The following MLLT3 variants were observed in gnomAD, a reference collection of about 807,000 sequenced individuals.
MLLT3 encodes the protein protein AF-9.
A neutral mutation model predicts 53.2 loss-of-function variants in MLLT3; 4 were observed. The observed-to-expected ratio is 0.08, with a 90% CI of 0.04 to 0.17. MLLT3 has a LOEUF of 0.17. MLLT3 is among the 10% of genes least tolerant of loss of function. The pLI is 1.00. For missense variants in MLLT3, 569 were observed against 684.0 expected, an observed-to-expected ratio of 0.83 and a Z score of 1.87; for synonymous variants, 283 against 230.6, an observed-to-expected ratio of 1.23 and a Z score of -2.06.
intron 2 of MLLT3, among the ~76,000 whole-genome samples, chr9:20,583,047 C>A (rs1819841999): frequency 6.6e-6 from 1 of 152,154 alleles, no homozygotes; most frequent in African/African-American, 2.4e-5. Context: ...TCCCTTCTAC[C>A]TATAAGCCTG....
chr9:20,462,679 A>G (rs1247357468), intron 2 of MLLT3, among the ~76,000 whole-genome samples: 3 of 152,074 alleles, frequency 2.0e-5, no homozygotes, highest in East Asian at 1.9e-4. Context: ...ATATTAGCTA[A>G]TCCTAATACA....
intron 2 of MLLT3, among the ~76,000 whole-genome samples, chr9:20,581,217 T>C (rs1011924680): frequency 1.3e-5 from 2 of 152,200 alleles, no homozygotes; most frequent in African/African-American, 2.4e-5. Context: ...AGTTCTTTGA[T>C]ACACAGGTGA....
chr9:20,402,702 G>C (rs139466530), intron 5 of MLLT3, among the ~76,000 whole-genome samples: 28 of 152,096 alleles, frequency 1.8e-4, no homozygotes, highest in Non-Finnish European at 3.5e-4. Context: ...GATTATTCTG[G>C]TTGGCAATAT....
rs1198877632 is a variant in MLLT3, at chr9:20,620,938, A to G, written c.13-104T>C. On this transcript the variant is annotated intron_variant, in intron 1 of 10. Coordinates refer to ENST00000380338, the MANE Select transcript of MLLT3 (RefSeq NM_004529.4). The surrounding 1 kb of genome is among the most constrained non-coding windows in gnomAD (Gnocchi z 6.1). ...TTTTCCTCCTTCTTGAAACGCACATAAAAGGAAACGGCGGTGCCCTCTGCA... is the reference window on the plus strand; with the variant it reads ...TTTTCCTCCTTCTTGAAACGCACATGAAAGGAAACGGCGGTGCCCTCTGCA... 1.5e-6 allele frequency: 2 copies of G among 1,299,698 alleles called. No individual in the cohort carries two copies. The highest frequency in any genetic ancestry group is 1.5e-5 in the African/African-American group (1 of 68,834). The allele number at this position is 1,299,698 out of a possible 1,614,324, so 80.5% of individuals were successfully genotyped here. A position where few individuals can be genotyped will look rare whatever the true frequency, so the allele number is the denominator to read the frequency against.
Position 20,620,772 on chromosome 9 carries a change from C to A in MLLT3, c.75G>T (p.Val25=). 1 of 1,614,166 alleles carries A rather than the reference C, an allele frequency of 6.2e-7. No individual in the cohort carries two copies. The highest frequency in any genetic ancestry group is 1.3e-5 in the African/African-American group (1 of 75,054). ...CCATCCAGTCGTGGGTGAAGCCCTC[C>A]ACGGTGGGTTTTTTCCTCACCTGGG... is the stretch of plus-strand genomic sequence containing the variant. ...HRAQVRKKPT[V]EGFTHDWMVF... The change falls in exon 2 of 11, where the codon GTG becomes GTT. Residue 25 remains valine (V), a synonymous_variant. Transcript: ENST00000380338. The surrounding 1 kb of genome is among the most constrained non-coding windows in gnomAD (Gnocchi z 6.1).
chr9:20,568,279 T>C (rs1244567657), intron 2 of MLLT3, among the ~76,000 whole-genome samples: 1 of 152,158 alleles, frequency 6.6e-6, no homozygotes, highest in Non-Finnish European at 1.5e-5. Flanking sequence ...TTATTGAGGC[T>C]GAGTACTGAA....
chr9:20,414,521 TCAAGCTATCATTA>T, intron 4 of MLLT3, 96 bp from the exon 5 acceptor site: 2 of 1,544,580 alleles, frequency 1.3e-6, no homozygotes, highest in South Asian at 2.4e-5. Flanking sequence ...TTGATTCCTC[TCAAGCTATCATTA>T]AAATACCAAA....
intron 2 of MLLT3, among the ~76,000 whole-genome samples, chr9:20,580,553 T>A (rs1258693071): frequency 6.6e-6 from 1 of 152,170 alleles, no homozygotes; most frequent in African/African-American, 2.4e-5. Context: ...TGAGCAGTTT[T>A]ATCTGGAACC....
chr9:20,602,699 T>C lies in MLLT3; in HGVS notation c.193+17955A>G, dbSNP rs560336552. On this transcript the variant is annotated intron_variant, in intron 2 of 10. Transcript: ENST00000380338. ...TTTGGCATCTTGGAGGAGTGGCAAA[T>C]GTAACATGATTATCAAATCTCCTAC... Among the ~76,000 whole-genome samples the C allele has an allele frequency of 2.0e-5, 3 of 151,892 alleles. No individual in the cohort carries two copies. The South Asian group carries it at 6.2e-4, about 31-fold the overall frequency.
chr9:20,605,175 A>G (rs1416543354), intron 2 of MLLT3, among the ~76,000 whole-genome samples: 2 of 152,094 alleles, frequency 1.3e-5, no homozygotes, highest in African/African-American at 4.8e-5. Flanking sequence ...AATGATTTTT[A>G]TAAAAGAAAC....
chr9:20,601,786 T>C (rs1464328322), intron 2 of MLLT3, among the ~76,000 whole-genome samples: 1 of 152,176 alleles, frequency 6.6e-6, no homozygotes, highest in Non-Finnish European at 1.5e-5. Context: ...AAAATATCCC[T>C]TTAACTTTTT....
intron 2 of MLLT3, among the ~76,000 whole-genome samples, chr9:20,481,271 A>G (rs1824655013): frequency 6.6e-6 from 1 of 152,180 alleles, no homozygotes; most frequent in African/African-American, 2.4e-5. Flanking sequence ...AGAGTTATTT[A>G]ATCTCCCATT....
In MLLT3 at chr9:20,513,576, G is replaced by C. The variant is rs181184760; in HGVS notation, c.194-56790C>G. Among the ~76,000 whole-genome samples the C allele has an allele frequency of 2.2e-4, 33 of 152,328 alleles. 1 individual carries two copies. The Middle Eastern group carries it at 0.01, about 47-fold the overall frequency. ...GGAAGTTCTAGTTGGTGGGTTTAGA[G>C]CAAGCAGGCAAAAGTTCTGTGGAGT... is the stretch of plus-strand genomic sequence containing the variant. On this transcript the variant is annotated intron_variant, in intron 2 of 10. Coordinates refer to ENST00000380338, the MANE Select transcript of MLLT3 (RefSeq NM_004529.4).
intron 2 of MLLT3, among the ~76,000 whole-genome samples, chr9:20,529,148 A>C (rs1818268278): frequency 6.6e-6 from 1 of 152,182 alleles, no homozygotes; most frequent in African/African-American, 2.4e-5. Flanking sequence ...TACGCCTTAC[A>C]ATCTGGGTAT....
At chr9:20,582,637 G>A (rs967440644) in intron 2 of MLLT3, among the ~76,000 whole-genome samples, 1 of 152,198 alleles carries the variant, frequency 6.6e-6, no homozygotes, top group African/African-American at 2.4e-5. Flanking sequence ...ATATGGCTGC[G>A]GAGGCCTCAG....
At chr9:20,598,004 T>C (rs1254826135) in intron 2 of MLLT3, among the ~76,000 whole-genome samples, 1 of 152,214 alleles carries the variant, frequency 6.6e-6, no homozygotes, top group Non-Finnish European at 1.5e-5. Context: ...TTACATTTAT[T>C]TGTTGGAAGA....
Position 20,597,808 on chromosome 9 carries a change from T to C in MLLT3, c.193+22846A>G, listed in dbSNP as rs150552235. On this transcript the variant is annotated intron_variant, in intron 2 of 10. Coordinates refer to ENST00000380338, the MANE Select transcript of MLLT3 (RefSeq NM_004529.4). ...GAGATTACAATAAGTAAGGTTCCTA[T>C]AGAACTGCAGTCACCAATTCTGCCA... Among the ~76,000 whole-genome samples, 41 of 152,352 alleles carry C rather than the reference T, an allele frequency of 2.7e-4. 1 individual carries two copies. The East Asian group carries it at 7.3e-3, about 27-fold the overall frequency.
chr9:20,479,569 G>C (rs531537346), intron 2 of MLLT3, among the ~76,000 whole-genome samples: 1 of 152,166 alleles, frequency 6.6e-6, no homozygotes, highest in South Asian at 2.1e-4. Context: ...AGAGAAGTTG[G>C]GTACTATGGT....
At chr9:20,462,391 T>C (rs982801488) in intron 2 of MLLT3, among the ~76,000 whole-genome samples, 1 of 152,216 alleles carries the variant, frequency 6.6e-6, no homozygotes, top group African/African-American at 2.4e-5. Context: ...TCTCACCTTT[T>C]GGATCTTTTA....
Sources: allele counts gnomAD v4.1 joint callset (sites outside exome capture counted in the v4.1 genomes callset), GRCh38; gene constraint gnomAD v4.1.1; non-coding constraint Gnocchi (gnomAD v3.1); transcripts MANE v1.5; gene names NCBI Gene and HGNC (gene_info 2026-07-23, HGNC 2026-07-21).